MYH9: variants seen among roughly 807,000 people sequenced by gnomAD.
MYH9 encodes myosin heavy chain 9, also known as myosin-9.
Under a neutral mutation model 241.9 loss-of-function variants are expected in MYH9, and 29 were observed. That is an observed-to-expected ratio of 0.12 (90% CI 0.09 to 0.16). The LOEUF is 0.16. Ranked by LOEUF, MYH9 falls within the 10% of genes least tolerant of loss-of-function variation. The pLI is 1.00. For missense variants in MYH9, 1,803 were observed against 2,595.5 expected (o/e 0.69, Z 6.63); for synonymous variants, 1,047 against 1,062.6 (o/e 0.99, Z 0.29).
chr22:36,303,834 C>T (rs2016927175), intron 19 of MYH9, among the ~76,000 whole-genome samples, 161 bp downstream of exon 19: 1 of 151,996 alleles, frequency 6.6e-6, no homozygotes. Context: ...GATTCTACTC[C>T]TCAAAGGTAG....
chr22:36,373,707 T>G (rs2018122440), intron 1 of MYH9, among the ~76,000 whole-genome samples: 1 of 152,162 alleles, frequency 6.6e-6, no homozygotes, highest in Non-Finnish European at 1.5e-5. Flanking sequence ...AGCGGGCAGT[T>G]TCTGGCCTAG....
Position 36,295,683 on chromosome 22 carries a change from G to A in MYH9, c.3307C>T (p.Leu1103Phe). Residue 1103 changes from leucine to phenylalanine, a missense_variant, in exon 26 of 41, where the codon CTC becomes TTC. This residue lies in a region of MYH9 where 290 missense variants were observed against 360.5 expected (regional missense o/e 0.80). Transcript: ENST00000216181. The surrounding 1 kb of genome is among the most constrained non-coding windows in gnomAD (Gnocchi z 4.1). ...GATTCCAGCTCCCGGATCTTCTTGAGGGCCATGTTCTTCTGGGCAGCTTCC... is the reference window on the plus strand; with the variant it reads ...GATTCCAGCTCCCGGATCTTCTTGAAGGCCATGTTCTTCTGGGCAGCTTCC... ...EEEAAQKNMA[L>F]KKIRELESQI... The A allele has an allele frequency of 6.2e-7, 1 of 1,613,698 alleles. No homozygotes were observed. Among genetic ancestry groups the A allele is most frequent in the South Asian group, 1.1e-5 (1 of 91,022 alleles).
chr22:36,376,697 T>C (rs2146422244), intron 1 of MYH9, among the ~76,000 whole-genome samples: 1 of 152,360 alleles, frequency 6.6e-6, no homozygotes, highest in East Asian at 1.9e-4. Context: ...ATCAGTGTTC[T>C]GTAAAATGAA....
chr22:36,286,619 G>C, intron 35 of MYH9, 99 bp downstream of exon 35: 2 of 1,551,384 alleles, frequency 1.3e-6, no homozygotes, highest in Non-Finnish European at 1.8e-6. Flanking sequence ...AATTCCTGGA[G>C]CCCAGTAGGA....
rs368133116 is a variant in MYH9 at position 36,338,393 on chromosome 22, G to A, written c.490+2977C>T. On this transcript the variant is annotated intron_variant, in intron 3 of 40. Coordinates refer to ENST00000216181, the MANE Select transcript of MYH9 (RefSeq NM_002473.6). Reference sequence around the variant, plus strand: ...GTCCAATGCTAGCAGAAGGCAAAGTGAAAACCTCTCAGACTGAGGGTTAGA... The same window carrying A: ...GTCCAATGCTAGCAGAAGGCAAAGTAAAAACCTCTCAGACTGAGGGTTAGA... Among the ~76,000 whole-genome samples, 98 of 152,318 alleles carry A rather than the reference G, an allele frequency of 6.4e-4. 2 individuals carry two copies. Among genetic ancestry groups the A allele is most frequent in the African/African-American group, 2.2e-3 (93 of 41,576 alleles).
chr22:36,316,691 C>T (rs375096441), intron 11 of MYH9, 22 bp from the exon 12 acceptor site: 20 of 1,612,962 alleles, frequency 1.2e-5, no homozygotes, highest in South Asian at 5.5e-5. Context: ...ACCCGGGGAG[C>T]GTGGTGTCAG....
chr22:36,284,087 G>A lies in MYH9; in HGVS notation c.5765+6C>T. ...GGCAAAGGGGCGGGTGGGCAGGGCG[G>A]CTCACCTGAGCTTGTTCTTTAGGGA... On this transcript the variant is annotated splice_donor_region_variant and intron_variant, in intron 40 of 40. Coordinates refer to ENST00000216181, the MANE Select transcript of MYH9 (RefSeq NM_002473.6). The A allele has an allele frequency of 2.5e-6, 4 of 1,614,098 alleles. No individual in the cohort carries two copies. The highest frequency in any genetic ancestry group is 3.4e-6 in the Non-Finnish European group (4 of 1,179,980).
chr22:36,332,205 A>G (rs1389572888), intron 3 of MYH9, among the ~76,000 whole-genome samples: 1 of 152,248 alleles, frequency 6.6e-6, no homozygotes, highest in Non-Finnish European at 1.5e-5. Flanking sequence ...CGACACTCTC[A>G]TGACGAGAAG....
intron 14 of MYH9, 141 bp downstream of exon 14, chr22:36,311,908 C>A: frequency 1.1e-6 from 1 of 946,938 alleles, no homozygotes; most frequent in South Asian, 1.4e-5. Flanking sequence ...GGCCACATTA[C>A]TGGGTGAGTC....
chr22:36,307,626 G>A (rs1353209997), intron 15 of MYH9, among the ~76,000 whole-genome samples: 6 of 152,316 alleles, frequency 3.9e-5, no homozygotes, highest in South Asian at 4.1e-4. Context: ...GGTGGCTCGC[G>A]CCTGTAATCC....
rs191332069 is a variant in MYH9 at position 36,382,776 on chromosome 22, C to A, written c.-20+5031G>T. ...CAAGATCATGCCACTGTACTCCAGC[C>A]TGGGCAACAGAGTGAGACCCCATCT... On this transcript the variant is annotated intron_variant, in intron 1 of 40. Transcript: ENST00000216181. 1.8e-3 allele frequency among the ~76,000 whole-genome samples: 277 copies of A among 152,198 alleles called. 1 individual carries two copies. The highest frequency in any genetic ancestry group is 4.7e-3 in the Admixed American group (72 of 15,282).
intron 24 of MYH9, 187 bp from the exon 25 acceptor site, chr22:36,297,201 T>G (rs1224490058): frequency 1.5e-6 from 1 of 650,586 alleles, no homozygotes; most frequent in Non-Finnish European, 2.7e-6. Context: ...TGCTAGCCCC[T>G]GGCATGTCTC....
chr22:36,312,668 C>A (rs1367720516), intron 13 of MYH9, among the ~76,000 whole-genome samples: 4 of 152,138 alleles, frequency 2.6e-5, no homozygotes, highest in Non-Finnish European at 4.4e-5. Context: ...GGAAGATAGT[C>A]CCAGGGACCC....
rs946274005 is a variant in MYH9 at position 36,306,918 on chromosome 22, G to T, written c.1844-311C>A. On this transcript the variant is annotated intron_variant, in intron 15 of 40. Coordinates refer to ENST00000216181, the MANE Select transcript of MYH9 (RefSeq NM_002473.6). This position sits in a 1 kb window ranked among gnomAD's most constrained non-coding sequence, Gnocchi z 4.1. ...CTTATTTCCAAAAAGACTCAATGAA[G>T]CTAGTCATGTATTTTGGAATAGTGA... Among the ~76,000 whole-genome samples, 1 of 152,126 alleles carries T rather than the reference G, an allele frequency of 6.6e-6. No homozygotes were observed. Among genetic ancestry groups the T allele is most frequent in the Non-Finnish European group, 1.5e-5 (1 of 68,038 alleles).
chr22:36,288,937 G>A lies in MYH9; in HGVS notation c.4560C>T (p.Val1520=), dbSNP rs1396297372. The A allele has an allele frequency of 6.2e-7, 1 of 1,613,830 alleles. No homozygotes were observed. The highest frequency in any genetic ancestry group is 8.5e-7 in the Non-Finnish European group (1 of 1,180,034). ...MSSKDDVGKS[V]HELEKSKRAL... ...CCCGCTTGGACTTCTCCAGCTCGTG[G>A]ACCTGAGCCCCAGAGAGCCCAAGTC... is the stretch of plus-strand genomic sequence containing the variant. The change falls in exon 33 of 41, where the codon GTC becomes GTT. Residue 1520 remains valine (V), a splice_region_variant and synonymous_variant. Transcript: ENST00000216181. This position sits in a 1 kb window ranked among gnomAD's most constrained non-coding sequence, Gnocchi z 4.8.
chr22:36,334,458 C>A (rs547713988), intron 3 of MYH9, among the ~76,000 whole-genome samples: 1 of 152,332 alleles, frequency 6.6e-6, no homozygotes, highest in South Asian at 2.1e-4. Flanking sequence ...CCACATCAGC[C>A]CCAGGCCTCA....
intron 2 of MYH9, 64 bp downstream of exon 2, chr22:36,348,840 C>CA: frequency 4.0e-6 from 3 of 745,400 alleles, no homozygotes; most frequent in African/African-American, 4.0e-5. Flanking sequence ...TGGGAAGACC[C>CA]GCCCCCCCCC....
intron 6 of MYH9, 136 bp from the exon 7 acceptor site, chr22:36,321,957 T>C (rs1402531525): frequency 4.9e-6 from 4 of 816,262 alleles, no homozygotes; most frequent in Non-Finnish European, 6.3e-6. Context: ...ACGGGACCCA[T>C]GTACCAGGCC....
In MYH9 at chr22:36,281,329, C is replaced by A. The variant is rs951237833; in HGVS notation, c.*1339G>T. 2.8e-5 allele frequency: 6 copies of A among 213,472 alleles called. No individual in the cohort carries two copies. The highest frequency in any genetic ancestry group is 5.7e-5 in the Non-Finnish European group (6 of 105,496). 13.2% of individuals were successfully genotyped at this position (213,472 alleles called of 1,614,324 possible). On this transcript the variant is annotated 3_prime_UTR_variant, in exon 41 of 41. Coordinates refer to ENST00000216181, the MANE Select transcript of MYH9 (RefSeq NM_002473.6). ...ATGCTCAGTGGAAAACATCTGTAAA[C>A]CAGCTTACTGTAGTGGTGACAGCTG... is the stretch of plus-strand genomic sequence containing the variant.
Sources: allele counts gnomAD v4.1 joint callset (sites outside exome capture counted in the v4.1 genomes callset), GRCh38; gene constraint gnomAD v4.1.1; regional missense constraint gnomAD v4.1.1; non-coding constraint Gnocchi (gnomAD v3.1); transcripts MANE v1.5; gene names NCBI Gene and HGNC (gene_info 2026-07-23, HGNC 2026-07-21).